The following ST8SIA4 variants were observed in gnomAD, a reference collection of about 807,000 sequenced individuals.
ST8SIA4 encodes the protein CMP-N-acetylneuraminate-poly-alpha-2,8-sialyltransferase.
Under a neutral mutation model 33.9 loss-of-function variants are expected in ST8SIA4, and 15 were observed. That is an observed-to-expected ratio of 0.44 (90% CI 0.30 to 0.68). The LOEUF is 0.68. Among genes scored for constraint, ST8SIA4 ranks in the 30% least tolerant of loss-of-function variants. The probability of loss-of-function intolerance (pLI) is 0.10; values close to 1 mark genes in which losing one functional copy is unlikely to be tolerated. For missense variants in ST8SIA4, 321 were observed against 428.0 expected, an observed-to-expected ratio of 0.75 and a Z score of 2.21; for synonymous variants, 171 against 151.2, an observed-to-expected ratio of 1.13 and a Z score of -0.96.
intron 4 of ST8SIA4, among the ~76,000 whole-genome samples, chr5:100,825,816 T>C (rs1751130727): frequency 6.6e-6 from 1 of 152,236 alleles, no homozygotes; most frequent in Non-Finnish European, 1.5e-5. Context: ...TTACCTAACC[T>C]GTAGCTTGTA....
Position 100,809,449 on chromosome 5 carries a change from C to CAAAAAAA in ST8SIA4, c.*2391_*2397dup, listed in dbSNP as rs35431964. 2.4e-5 allele frequency: 2 copies of CAAAAAAA among 82,134 alleles called. No individual in the cohort carries two copies. The highest frequency in any genetic ancestry group is 1.4e-4 in the Admixed American group (1 of 7,324). 5.1% of individuals were successfully genotyped at this position (82,134 alleles called of 1,614,324 possible). ...TGTGTGACAGAGTGAGACTCCATCT[C>CAAAAAAA]AAAAAAAAAAAAAAAAGAAAAAAGA... On this transcript the variant is annotated 3_prime_UTR_variant, in exon 5 of 5. Coordinates refer to ENST00000231461, the MANE Select transcript of ST8SIA4 (RefSeq NM_005668.6).
chr5:100,903,010 T>C lies in ST8SIA4; in HGVS notation c.-55A>G, dbSNP rs1280256183. On this transcript the variant is annotated 5_prime_UTR_variant, in exon 1 of 5. Coordinates refer to ENST00000231461, the MANE Select transcript of ST8SIA4 (RefSeq NM_005668.6). ...CCAGCTCCCGCACCTTCTCTTGATATAAAGGCTCCGTTTTGGGGAGATAGT... is the reference window on the plus strand; with the variant it reads ...CCAGCTCCCGCACCTTCTCTTGATACAAAGGCTCCGTTTTGGGGAGATAGT... 1.9e-5 allele frequency: 25 copies of C among 1,295,822 alleles called. No homozygotes were observed. Among genetic ancestry groups the C allele is most frequent in the Non-Finnish European group, 2.6e-5 (23 of 892,424 alleles). The allele number at this position is 1,295,822 out of a possible 1,614,324, so 80.3% of individuals were successfully genotyped here. A position where few individuals can be genotyped will look rare whatever the true frequency, so the allele number is the denominator to read the frequency against.
intron 4 of ST8SIA4, among the ~76,000 whole-genome samples, chr5:100,832,011 A>G (rs980642565): frequency 2.6e-5 from 4 of 152,082 alleles, no homozygotes; most frequent in African/African-American, 9.7e-5. Context: ...TTTAGAAGGA[A>G]GGAACTTACC....
chr5:100,816,146 G>C (rs1431928148), intron 4 of ST8SIA4, among the ~76,000 whole-genome samples: 1 of 152,142 alleles, frequency 6.6e-6, no homozygotes, highest in Non-Finnish European at 1.5e-5. Flanking sequence ...CCGTGAAATT[G>C]TGTGAAACAC....
rs550945139 is a variant in ST8SIA4 at position 100,829,781 on chromosome 5, G to A, written c.798-17652C>T. Among the ~76,000 whole-genome samples the A allele has an allele frequency of 1.3e-4, 20 of 152,066 alleles. No homozygotes were observed. In the South Asian group the frequency reaches 3.3e-3, roughly 25 times the overall value. Reference sequence around the variant, plus strand: ...AAATTAGCCGGACGTGGTGGTGGGCGCCTGCAGTCCCAGCTACTCGGGAGG... The same window carrying A: ...AAATTAGCCGGACGTGGTGGTGGGCACCTGCAGTCCCAGCTACTCGGGAGG... On this transcript the variant is annotated intron_variant, in intron 4 of 4. Transcript: ENST00000231461.
At chr5:100,828,528 T>C (rs1030086099) in intron 4 of ST8SIA4, among the ~76,000 whole-genome samples, 2 of 152,180 alleles carry the variant, frequency 1.3e-5, no homozygotes, top group Non-Finnish European at 2.9e-5. Context: ...AAACATAGGT[T>C]GGATTTAAGA....
chr5:100,868,933 G>T (rs915179387), intron 3 of ST8SIA4, among the ~76,000 whole-genome samples: 3 of 152,126 alleles, frequency 2.0e-5, no homozygotes, highest in African/African-American at 7.2e-5. Context: ...CTTGTATAGG[G>T]ATTGACATCT....
At chr5:100,859,501 T>C (rs1751888346) in intron 3 of ST8SIA4, among the ~76,000 whole-genome samples, 2 of 152,126 alleles carry the variant, frequency 1.3e-5, no homozygotes, top group Non-Finnish European at 1.5e-5. Context: ...GAATTAGCTG[T>C]ATTAACAATA....
chr5:100,892,103 T>C (rs1752682956), intron 2 of ST8SIA4, among the ~76,000 whole-genome samples: 1 of 152,114 alleles, frequency 6.6e-6, no homozygotes, highest in Admixed American at 6.6e-5. Context: ...ATGTGTACAT[T>C]TGTACATTTC....
At chr5:100,840,328 C>T (rs1454929748) in intron 4 of ST8SIA4, among the ~76,000 whole-genome samples, 1 of 151,462 alleles carries the variant, frequency 6.6e-6, no homozygotes, top group African/African-American at 2.4e-5. Flanking sequence ...GTATGTGTGT[C>T]TATTTATATA....
chr5:100,890,716 C>T (rs1250530575), intron 2 of ST8SIA4: 1 of 151,884 alleles, frequency 6.6e-6, no homozygotes, highest in Non-Finnish European at 1.5e-5. Context: ...CCTAATTCAA[C>T]TTTTGAATCC....
intron 2 of ST8SIA4, among the ~76,000 whole-genome samples, chr5:100,891,598 C>A (rs1752667478): frequency 6.6e-6 from 1 of 151,920 alleles, no homozygotes; most frequent in African/African-American, 2.4e-5. Context: ...TGATGAAGAG[C>A]ATTTTTAGTT....
intron 1 of ST8SIA4, among the ~76,000 whole-genome samples, chr5:100,901,862 A>G (rs769389985): frequency 2.0e-5 from 3 of 152,190 alleles, no homozygotes; most frequent in Non-Finnish European, 4.4e-5. Flanking sequence ...TCTCTCTCAC[A>G]CACACATACA....
chr5:100,856,237 A>G lies in ST8SIA4; in HGVS notation c.663T>C (p.Ser221=). 6.2e-7 allele frequency: 1 copy of G among 1,614,138 alleles called. No individual in the cohort carries two copies. The highest frequency in any genetic ancestry group is 8.5e-7 in the Non-Finnish European group (1 of 1,179,980). Residue 221 remains serine (S), a synonymous_variant, in exon 4 of 5, where the codon AGT becomes AGC. Coordinates refer to ENST00000231461, the MANE Select transcript of ST8SIA4 (RefSeq NM_005668.6). Reference sequence around the variant, plus strand: ...CCATGAAAGCAGGAATCCAAAGGACACTGTCATTCAGCATGGAAAGTCTAT... The same window carrying G: ...CCATGAAAGCAGGAATCCAAAGGACGCTGTCATTCAGCATGGAAAGTCTAT... ...FVHRLSMLND[S]VLWIPAFMVK...
intron 4 of ST8SIA4, among the ~76,000 whole-genome samples, chr5:100,852,662 CT>C (rs2112435869): frequency 6.6e-6 from 1 of 152,128 alleles, no homozygotes; most frequent in African/African-American, 2.4e-5. Context: ...ATATCTTTTC[CT>C]TCTGTTTTAC....
intron 3 of ST8SIA4, among the ~76,000 whole-genome samples, chr5:100,884,729 T>C (rs1012797164): frequency 6.6e-6 from 1 of 151,954 alleles, no homozygotes; most frequent in Non-Finnish European, 1.5e-5. Context: ...GAAACTGGAG[T>C]AACAAAGCCA....
At chr5:100,883,039 AGG>A (rs1342736382) in intron 3 of ST8SIA4, among the ~76,000 whole-genome samples, 6 of 152,244 alleles carry the variant, frequency 3.9e-5, no homozygotes, top group Non-Finnish European at 7.4e-5. Flanking sequence ...CTGTGAGAAG[AGG>A]GCCACCATCC....
At chr5:100,874,344 A>C (rs183042176) in intron 3 of ST8SIA4, among the ~76,000 whole-genome samples, 1 of 152,278 alleles carries the variant, frequency 6.6e-6, no homozygotes, top group African/African-American at 2.4e-5. Context: ...TACATATATT[A>C]ATCTCAGTTT....
At chr5:100,860,753 T>G (rs1257472986) in intron 3 of ST8SIA4, among the ~76,000 whole-genome samples, 1 of 152,194 alleles carries the variant, frequency 6.6e-6, no homozygotes, top group African/African-American at 2.4e-5. Flanking sequence ...ATTATACATA[T>G]GAGTTCATTC....
Sources: gnomAD v4.1 joint callset for allele counts (sites outside exome capture counted in the v4.1 genomes callset) on GRCh38, gnomAD v4.1.1 for gene constraint, MANE v1.5 for transcripts, NCBI Gene and HGNC (gene_info 2026-07-23, HGNC 2026-07-21) for gene names.